The following DNAJC13 variants were observed in gnomAD, a reference collection of about 807,000 sequenced individuals.
The protein encoded by DNAJC13 is dnaJ homolog subfamily C member 13.
A neutral mutation model predicts 290.5 loss-of-function variants in DNAJC13; 75 were observed. That is an observed-to-expected ratio of 0.26 (90% CI 0.21 to 0.31). DNAJC13 has a LOEUF of 0.31. DNAJC13 is among the 10% of genes least tolerant of loss of function. DNAJC13 has a pLI of 1.00. For missense variants in DNAJC13, 2,260 were observed against 2,674.5 expected (o/e 0.85, Z 3.42); for synonymous variants, 862 against 892.0 (o/e 0.97, Z 0.60).
chr3:132,523,627 C>T lies in DNAJC13; in HGVS notation c.5974C>T (p.Pro1992Ser), dbSNP rs1936163804. 3 of 1,614,086 alleles carry T rather than the reference C, an allele frequency of 1.9e-6. No individual in the cohort carries two copies. The highest frequency in any genetic ancestry group is 2.5e-6 in the Non-Finnish European group (3 of 1,179,970). The stretch of plus-strand genomic sequence containing the variant: ...CTTCTTGAGGATCTTTATTGCACAA[C>T]CAGCCTGGGTTCTAAGAAAGCCTAG... ...GVFLRIFIAQ[P>S]AWVLRKPREF... Residue 1992 changes from proline (P) to serine (S), a missense_variant, in exon 51 of 56, where the codon CCA (proline) becomes TCA (serine). Coordinates refer to ENST00000260818, the MANE Select transcript of DNAJC13 (RefSeq NM_015268.4).
At chr3:132,466,195 A>C in intron 18 of DNAJC13, 104 bp from the exon 19 acceptor site, 1 of 1,422,010 alleles carries the variant, frequency 7.0e-7, no homozygotes. Context: ...GAGTTACCGT[A>C]AAGTTTTACC....
In DNAJC13 at chr3:132,488,383, G is replaced by A. The variant is rs946135873; in HGVS notation, c.3353G>A (p.Arg1118His). 15 of 1,613,296 alleles carry A rather than the reference G, an allele frequency of 9.3e-6. No individual in the cohort carries two copies. The highest frequency in any genetic ancestry group is 2.2e-5 in the East Asian group (1 of 44,840). The change falls in exon 30 of 56, where the codon CGC becomes CAC. Residue 1118 changes from arginine (R) to histidine (H), a missense_variant. Around this residue, in one of 3 missense-constraint regions of DNAJC13, gnomAD observed 1,494 missense variants for 1,693.7 expected, o/e 0.88. Coordinates refer to ENST00000260818, the MANE Select transcript of DNAJC13 (RefSeq NM_015268.4). ...ATGCAAGATAACCCACAGTTACCCC[G>A]CCTTTATCTGAGTGGAGTATTTTTC... ...HIMQDNPQLP[R>H]LYLSGVFFFI...
Position 132,495,071 on chromosome 3 carries a change from A to G in DNAJC13, c.3942-17A>G, listed in dbSNP as rs775261530. ...TGTGCCTTACTATACTCATAAAACA[A>G]TTTTCCTGTTTAACAGGCATGATGA... On this transcript the variant is annotated splice_polypyrimidine_tract_variant and intron_variant, in intron 34 of 55. Transcript: ENST00000260818. The G allele has an allele frequency of 1.2e-6, 2 of 1,604,640 alleles. No individual in the cohort carries two copies. The highest frequency in any genetic ancestry group is 2.2e-5 in the South Asian group (2 of 90,346).
At chr3:132,422,134 G>A (rs183140329) in intron 1 of DNAJC13, among the ~76,000 whole-genome samples, 31 of 151,380 alleles carry the variant, frequency 2.0e-4, no homozygotes, top group Admixed American at 1.3e-3. Flanking sequence ...GGGCTCAAGC[G>A]ATCCTCCCAC....
At chr3:132,504,372 C>G (rs1022159019) in intron 41 of DNAJC13, among the ~76,000 whole-genome samples, 1 of 150,976 alleles carries the variant, frequency 6.6e-6, no homozygotes, top group Non-Finnish European at 1.5e-5. Flanking sequence ...CACTAGACGA[C>G]CAGGGACCAC....
chr3:132,473,138 G>T lies in DNAJC13; in HGVS notation c.2209-7G>T, dbSNP rs1457468068. The T allele has an allele frequency of 1.2e-6, 2 of 1,603,518 alleles. No homozygotes were observed. The highest frequency in any genetic ancestry group is 3.4e-5 in the Admixed American group (2 of 58,418). ...ATTGAGCACTATGAAGTTTTTTTCTGTTCCAGAATATAAATCAGAAGCCAG... is the reference window on the plus strand; with the variant it reads ...ATTGAGCACTATGAAGTTTTTTTCTTTTCCAGAATATAAATCAGAAGCCAG... On this transcript the variant is annotated splice_polypyrimidine_tract_variant and splice_region_variant and intron_variant, in intron 20 of 55. Coordinates refer to ENST00000260818, the MANE Select transcript of DNAJC13 (RefSeq NM_015268.4).
At position 132,511,146 on chromosome 3, in the gene DNAJC13, C is replaced by G. The variant is rs1559906288; in HGVS notation, c.5195C>G (p.Thr1732Arg). 6.2e-7 allele frequency: 1 copy of G among 1,613,952 alleles called. No homozygotes were observed. Among genetic ancestry groups the G allele is most frequent in the Non-Finnish European group, 8.5e-7 (1 of 1,179,940 alleles). ...AQYLHTFMAI[T>R]HAAKVESEQH... is the part of the protein sequence containing the mutation. ...TACTTGCACACATTCATGGCCATCA[C>G]ACACGCGGCAAAAGTGGAGTCAGAG... is the stretch of plus-strand genomic sequence containing the variant. The change falls in exon 44 of 56, where the codon ACA (threonine) becomes AGA (arginine). Residue 1732 changes from threonine to arginine, a missense_variant. Physicochemically the swap from Thr to Arg is moderately conservative, Grantham distance 71. Coordinates refer to ENST00000260818, the MANE Select transcript of DNAJC13 (RefSeq NM_015268.4).
chr3:132,480,321 G>C, intron 25 of DNAJC13, 48 bp from the exon 26 acceptor site: 1 of 1,319,648 alleles, frequency 7.6e-7, no homozygotes, highest in Non-Finnish European at 1.1e-6. Context: ...ATAGGTTTTA[G>C]GTTATGAAAA....
At position 132,500,822 on chromosome 3, in the gene DNAJC13, G is replaced by A. The variant is rs1358995453; in HGVS notation, c.4445G>A (p.Ser1482Asn). 2 of 1,613,914 alleles carry A rather than the reference G, an allele frequency of 1.2e-6. No individual in the cohort carries two copies. The highest frequency in any genetic ancestry group is 1.3e-5 in the African/African-American group (1 of 74,914). The change falls in exon 39 of 56, where the codon AGT (serine) becomes AAT (asparagine). Residue 1482 changes from serine (S) to asparagine (N), a missense_variant. Ser to Asn is a conservative substitution (Grantham distance 46). Coordinates refer to ENST00000260818, the MANE Select transcript of DNAJC13 (RefSeq NM_015268.4). ...TGTGGATACATAAGTAAATGCTACA[G>A]TGTGGCTGCTCAGTTTGAGGAATGC... ...QVCGYISKCY[S>N]VAAQFEECRE...
At chr3:132,517,122 T>C (rs1935944360) in intron 48 of DNAJC13, among the ~76,000 whole-genome samples, 1 of 152,210 alleles carries the variant, frequency 6.6e-6, no homozygotes, top group Non-Finnish European at 1.5e-5. Flanking sequence ...AGGTTAGACT[T>C]TCACACTACA....
intron 1 of DNAJC13, among the ~76,000 whole-genome samples, chr3:132,425,620 G>T (rs556579670): frequency 6.6e-6 from 1 of 152,094 alleles, no homozygotes; most frequent in East Asian, 1.9e-4. Context: ...GACTCAAAAT[G>T]GGAAAATCAG....
At chr3:132,427,133 A>ATTT (rs35154589) in intron 1 of DNAJC13, among the ~76,000 whole-genome samples, 8 of 122,180 alleles carry the variant, frequency 6.5e-5, no homozygotes, top group Admixed American at 2.5e-4. Context: ...ATATATATAT[A>ATTT]TTTTTTTTTT....
chr3:132,453,309 G>A lies in DNAJC13; in HGVS notation c.549G>A (p.Ala183=), dbSNP rs528705790. The A allele has an allele frequency of 6.7e-5, 108 of 1,612,916 alleles. No individual in the cohort carries two copies. Among genetic ancestry groups the A allele is most frequent in the African/African-American group, 1.9e-4 (14 of 74,942 alleles). Residue 183 remains alanine, a synonymous_variant, in exon 7 of 56, where the codon GCG becomes GCA. Transcript: ENST00000260818. ...CTAAATTTGTGCAGCATTTATTTGC[G>A]TCAGAGCAAAGAGAAGAGATTATTA... ...YGGFSRLHLF[A]SEQREEIIKS... is the part of the protein sequence containing the mutation.
At chr3:132,443,693 C>CTTT (rs2107657909) in intron 2 of DNAJC13, among the ~76,000 whole-genome samples, 1 of 152,192 alleles carries the variant, frequency 6.6e-6, no homozygotes, top group Admixed American at 6.5e-5. Context: ...AACAGCCACT[C>CTTT]TAAAAAGAGG....
intron 1 of DNAJC13, among the ~76,000 whole-genome samples, chr3:132,418,057 C>T (rs1210045107): frequency 1.3e-5 from 2 of 152,130 alleles, no homozygotes; most frequent in Non-Finnish European, 2.9e-5. Context: ...ATCCTTACCC[C>T]ACAGGCTCTT....
In DNAJC13 at chr3:132,500,896, G is replaced by T; in HGVS notation, c.4519G>T (p.Val1507Leu). ...MPSIIKDLCR[V>L]LYFGKSIPRV... Reference sequence around the variant, plus strand: ...TAGCATCATCAAGGATCTCTGTCGGGTACTATATTTTGGCAAGGTAGGGTT... The same window carrying T: ...TAGCATCATCAAGGATCTCTGTCGGTTACTATATTTTGGCAAGGTAGGGTT... Residue 1507 changes from valine to leucine, a missense_variant, in exon 39 of 56, where the codon GTA becomes TTA. Physicochemically the swap from Val to Leu is conservative, Grantham distance 32 (BLOSUM62 1). Around this residue, in one of 3 missense-constraint regions of DNAJC13, gnomAD observed 1,494 missense variants for 1,693.7 expected, o/e 0.88. Transcript: ENST00000260818. 6.2e-7 allele frequency: 1 copy of T among 1,613,896 alleles called. No homozygotes were observed. The highest frequency in any genetic ancestry group is 2.2e-5 in the East Asian group (1 of 44,872).
At chr3:132,494,975 T>C (rs1935186331) in intron 34 of DNAJC13, 113 bp from the exon 35 acceptor site, 1 of 621,190 alleles carries the variant, frequency 1.6e-6, no homozygotes, top group African/African-American at 1.9e-5. Flanking sequence ...GCCTAATATA[T>C]AATCATATAC....
intron 42 of DNAJC13, among the ~76,000 whole-genome samples, 189 bp downstream of exon 42, chr3:132,505,604 TTTA>T (rs1413007777): frequency 1.3e-5 from 2 of 152,220 alleles, no homozygotes; most frequent in Non-Finnish European, 2.9e-5. Context: ...ATTAGGAATT[TTTA>T]TTGTTGTTAC....
At chr3:132,436,893 T>G (rs1939399217) in intron 2 of DNAJC13, among the ~76,000 whole-genome samples, 1 of 151,526 alleles carries the variant, frequency 6.6e-6, no homozygotes, top group South Asian at 2.1e-4. Context: ...CTTTTTTTTT[T>G]TTTTCTTTTT....
Sources: gnomAD v4.1 joint callset for allele counts (sites outside exome capture counted in the v4.1 genomes callset) on GRCh38, gnomAD v4.1.1 for gene constraint, gnomAD v4.1.1 regional missense constraint, MANE v1.5 for transcripts, NCBI Gene and HGNC (gene_info 2026-07-23, HGNC 2026-07-21) for gene names.